Variants in DPF3 observed in about 807,000 individuals in gnomAD.
The protein encoded by DPF3 is zinc finger protein DPF3.
A neutral mutation model predicts 56.8 loss-of-function variants in DPF3; 18 were observed. The ratio of observed to expected loss-of-function variants is 0.32; its 90% CI spans 0.22 to 0.47. DPF3 has a LOEUF of 0.47. Ranked by LOEUF, DPF3 falls within the 20% of genes least tolerant of loss-of-function variation. The pLI is 1.00. For synonymous variants in DPF3, 188 were observed against 180.2 expected, an observed-to-expected ratio of 1.04 and a Z score of -0.35; for missense variants, 403 against 488.8, an observed-to-expected ratio of 0.82 and a Z score of 1.65.
rs573540994 is a variant in DPF3 at position 72,690,587 on chromosome 14, C to G, written c.742+2489G>C. Among the ~76,000 whole-genome samples, 11 of 145,292 alleles carry G rather than the reference C, an allele frequency of 7.6e-5. No individual in the cohort carries two copies. The East Asian group carries it at 3.0e-3, about 40-fold the overall frequency. ...ACACACACAACGTACATACACAACACGTATACACACGCACACACAACATGC... is the reference window on the plus strand; with the variant it reads ...ACACACACAACGTACATACACAACAGGTATACACACGCACACACAACATGC... On this transcript the variant is annotated intron_variant, in intron 7 of 10. Transcript: ENST00000556509.
intron 1 of DPF3, among the ~76,000 whole-genome samples, chr14:72,877,817 A>T (rs1886171916): frequency 6.6e-6 from 1 of 152,166 alleles, no homozygotes; most frequent in South Asian, 2.1e-4. Flanking sequence ...AATGGTCCGA[A>T]CCTGTTTCCC....
chr14:72,647,363 A>G (rs1446487608), intron 8 of DPF3, among the ~76,000 whole-genome samples: 2 of 152,174 alleles, frequency 1.3e-5, no homozygotes, highest in Non-Finnish European at 2.9e-5. Context: ...AAGGACATCA[A>G]TCCATACTGG....
chr14:72,842,197 T>C (rs1884571507), intron 1 of DPF3, among the ~76,000 whole-genome samples: 1 of 151,970 alleles, frequency 6.6e-6, no homozygotes, highest in Non-Finnish European at 1.5e-5. Flanking sequence ...CAGCAGCCTC[T>C]ACTGAACATA....
intron 6 of DPF3, among the ~76,000 whole-genome samples, chr14:72,695,466 T>G (rs1887862396): frequency 6.6e-6 from 1 of 152,204 alleles, no homozygotes; most frequent in Admixed American, 6.5e-5. Flanking sequence ...GGTGACCCAG[T>G]GACTATAAAT....
At chr14:72,723,589 A>G in intron 5 of DPF3, 44 bp downstream of exon 5, 52 of 1,452,008 alleles carry the variant, frequency 3.6e-5, no homozygotes, top group Non-Finnish European at 4.5e-5. Context: ...CGGGCACCCC[A>G]GCCTCCCTCA....
intron 1 of DPF3, among the ~76,000 whole-genome samples, chr14:72,799,584 G>A (rs192916494): frequency 4.1e-4 from 63 of 152,172 alleles, no homozygotes; most frequent in African/African-American, 1.2e-3. Context: ...TGAGCCCAGT[G>A]AGCCACGATT....
chr14:72,800,707 T>G (rs72730353), intron 1 of DPF3, among the ~76,000 whole-genome samples: 21,997 of 151,936 alleles, frequency 0.14, 1,708 homozygotes, highest in Middle Eastern at 0.32. Flanking sequence ...GACGGATGCA[T>G]GGAGGAATGG....
chr14:72,837,767 A>C (rs902431845), intron 1 of DPF3, among the ~76,000 whole-genome samples: 2 of 152,132 alleles, frequency 1.3e-5, no homozygotes, highest in African/African-American at 4.8e-5. Context: ...AGAAAGAAAA[A>C]AAAGATCACT....
At chr14:72,859,702 C>G (rs1433631523) in intron 1 of DPF3, among the ~76,000 whole-genome samples, 1 of 152,044 alleles carries the variant, frequency 6.6e-6, no homozygotes. Context: ...ATTCCCCCAG[C>G]AAATACGGAG....
At chr14:72,690,950 G>A (rs1237167935) in intron 7 of DPF3, among the ~76,000 whole-genome samples, 3 of 152,156 alleles carry the variant, frequency 2.0e-5, no homozygotes, top group East Asian at 3.8e-4. Context: ...GTGACCTCTT[G>A]GTCACTTAGA....
In DPF3 at chr14:72,893,021, A is replaced by AAGGCAGGCAGGC. The variant is rs1567273903; in HGVS notation, c.32+1035_32+1036insGCCTGCCTGCCT. Among the ~76,000 whole-genome samples, 105 of 135,560 alleles carry AAGGCAGGCAGGC rather than the reference A, an allele frequency of 7.7e-4. 5 individuals carry two copies. The highest frequency in any genetic ancestry group is 3.8e-3 in the Middle Eastern group (1 of 260). The allele number at this position is 135,560 out of a possible 152,430, so 88.9% of individuals were successfully genotyped here. The stretch of plus-strand genomic sequence containing the variant: ...GAAGGAAGGAAGGAAGGAAGGAAGG[A>AAGGCAGGCAGGC]AGGATGAAAAGGAGGAGGAAGGCAG... On this transcript the variant is annotated intron_variant, in intron 1 of 10. Coordinates refer to ENST00000556509, the MANE Select transcript of DPF3 (RefSeq NM_001280542.3).
intron 8 of DPF3, among the ~76,000 whole-genome samples, chr14:72,647,945 C>T (rs921372408): frequency 6.6e-5 from 10 of 152,140 alleles, no homozygotes; most frequent in South Asian, 2.1e-4. Context: ...TCTCCTCTCA[C>T]GTCGTCACTG....
intron 8 of DPF3, among the ~76,000 whole-genome samples, chr14:72,640,146 G>A (rs1337428095): frequency 6.6e-6 from 1 of 150,438 alleles, no homozygotes; most frequent in African/African-American, 2.5e-5. Flanking sequence ...CTCAGGCAAA[G>A]CAGAGTAGCT....
At chr14:72,797,324 G>A (rs1173412450) in intron 1 of DPF3, among the ~76,000 whole-genome samples, 3 of 152,136 alleles carry the variant, frequency 2.0e-5, no homozygotes, top group East Asian at 3.9e-4. Flanking sequence ...AGCCCAAATC[G>A]AATTGCCGAC....
At chr14:72,883,784 T>C (rs1886408428) in intron 1 of DPF3, among the ~76,000 whole-genome samples, 1 of 151,924 alleles carries the variant, frequency 6.6e-6, no homozygotes, top group Non-Finnish European at 1.5e-5. Context: ...AAAAATTAGC[T>C]GGGTGTGGTG....
chr14:72,763,931 T>A (rs1891159921), intron 2 of DPF3, among the ~76,000 whole-genome samples: 1 of 152,226 alleles, frequency 6.6e-6, no homozygotes, highest in Admixed American at 6.5e-5. Context: ...GATTTGAACT[T>A]TACCAAAGAA....
chr14:72,836,417 G>T lies in DPF3; in HGVS notation c.32+57640C>A, dbSNP rs533277941. 57 of 985,554 alleles carry T rather than the reference G, an allele frequency of 5.8e-5. No individual in the cohort carries two copies. The African/African-American group carries it at 8.7e-4, about 15-fold the overall frequency. 61.1% of individuals were successfully genotyped at this position (985,554 alleles called of 1,614,324 possible). On this transcript the variant is annotated intron_variant, in intron 1 of 10. Transcript: ENST00000556509. ...AACCCCTGGCCTACTCCAGCCACTG[G>T]ATAAGCGCACCCTCCTCCATGCCTC...
chr14:72,620,742 G>A (rs1022134773), intron 9 of DPF3, among the ~76,000 whole-genome samples: 2 of 152,216 alleles, frequency 1.3e-5, no homozygotes, highest in Non-Finnish European at 2.9e-5. Flanking sequence ...TCAACTGGAA[G>A]TTGTCTCTTC....
At chr14:72,842,832 G>A (rs757158048) in intron 1 of DPF3, among the ~76,000 whole-genome samples, 6 of 152,114 alleles carry the variant, frequency 3.9e-5, no homozygotes, top group Non-Finnish European at 5.9e-5. Context: ...GACCAGCCTG[G>A]CCAACATGGC....
Sources: allele counts gnomAD v4.1 joint callset (sites outside exome capture counted in the v4.1 genomes callset), GRCh38; gene constraint gnomAD v4.1.1; transcripts MANE v1.5; gene names NCBI Gene and HGNC (gene_info 2026-07-23, HGNC 2026-07-21).